The following ZBTB7C variants were observed in gnomAD, a reference collection of about 807,000 sequenced individuals.
ZBTB7C encodes zinc finger and BTB domain containing 7C.
A neutral mutation model predicts 25.7 loss-of-function variants in ZBTB7C; 8 were observed. That is an observed-to-expected ratio of 0.31 (90% CI 0.18 to 0.56). The LOEUF is 0.56. ZBTB7C is among the 20% of genes least tolerant of loss of function. The probability of loss-of-function intolerance (pLI) is 0.91; values close to 1 mark genes in which losing one functional copy is unlikely to be tolerated. For synonymous variants in ZBTB7C, 394 were observed against 369.0 expected (o/e 1.07, Z -0.78); for missense variants, 824 against 855.2 (o/e 0.96, Z 0.46).
At chr18:48,121,153 C>T (rs1339046999) in intron 3 of ZBTB7C, among the ~76,000 whole-genome samples, 4 of 152,186 alleles carry the variant, frequency 2.6e-5, no homozygotes, top group Non-Finnish European at 1.5e-5. Context: ...AGCTGTCCCT[C>T]GAAGACAGAG....
At chr18:48,157,202 C>T (rs1457597135) in intron 3 of ZBTB7C, among the ~76,000 whole-genome samples, 1 of 152,130 alleles carries the variant, frequency 6.6e-6, no homozygotes, top group Non-Finnish European at 1.5e-5. Flanking sequence ...TAAATAAAAG[C>T]ATTAACAGCA....
At chr18:48,259,162 C>T (rs542142450) in intron 2 of ZBTB7C, among the ~76,000 whole-genome samples, 19 of 152,290 alleles carry the variant, frequency 1.2e-4, no homozygotes, top group Admixed American at 3.9e-4. Flanking sequence ...GTTGCCCAGG[C>T]TGGCTTTGAA....
At chr18:48,179,131 C>T (rs1045817472) in intron 3 of ZBTB7C, among the ~76,000 whole-genome samples, 5 of 152,198 alleles carry the variant, frequency 3.3e-5, no homozygotes, top group Admixed American at 6.5e-5. Context: ...TCCATTTCTC[C>T]AGCAGGAACA....
At chr18:48,371,344 T>C (rs555709137) in intron 1 of ZBTB7C, among the ~76,000 whole-genome samples, 73 of 152,308 alleles carry the variant, frequency 4.8e-4, no homozygotes, top group African/African-American at 1.7e-3. Flanking sequence ...CCTGTGGAAC[T>C]GGAAATGTCA....
chr18:48,215,219 A>G (rs567198377), intron 2 of ZBTB7C, among the ~76,000 whole-genome samples: 1 of 152,318 alleles, frequency 6.6e-6, no homozygotes, highest in South Asian at 2.1e-4. Flanking sequence ...CCAACGGTCC[A>G]CTTGGGGTAG....
At chr18:48,063,211 G>A (rs1054068758) in intron 3 of ZBTB7C, among the ~76,000 whole-genome samples, 5 of 152,188 alleles carry the variant, frequency 3.3e-5, no homozygotes, top group Non-Finnish European at 7.3e-5. Context: ...GGTCACCCTC[G>A]TTCATCTCCG....
intron 3 of ZBTB7C, among the ~76,000 whole-genome samples, chr18:48,101,788 T>C (rs937719265): frequency 3.3e-5 from 5 of 152,202 alleles, no homozygotes; most frequent in African/African-American, 9.6e-5. Context: ...ATCTGGTCTC[T>C]CATTCATTCT....
At chr18:48,233,222 C>T (rs188089043) in intron 2 of ZBTB7C, among the ~76,000 whole-genome samples, 11 of 152,118 alleles carry the variant, frequency 7.2e-5, no homozygotes, top group South Asian at 4.2e-4. Flanking sequence ...TGCACTCTCT[C>T]GCGCGCACGC....
chr18:48,379,807 T>C (rs1212090076), intron 1 of ZBTB7C, among the ~76,000 whole-genome samples: 1 of 152,120 alleles, frequency 6.6e-6, no homozygotes, highest in Non-Finnish European at 1.5e-5. Context: ...AATTAAGAAA[T>C]GGATAAAGAT....
At chr18:48,064,747 T>G (rs1277864950) in intron 3 of ZBTB7C, among the ~76,000 whole-genome samples, 1 of 151,298 alleles carries the variant, frequency 6.6e-6, no homozygotes, top group Non-Finnish European at 1.5e-5. Flanking sequence ...TCTCAAAAAA[T>G]AAAAAAAGAA....
rs971351573 is a variant in ZBTB7C at position 48,155,555 on chromosome 18, G to A, written c.-17+30379C>T. On this transcript the variant is annotated intron_variant, in intron 3 of 4. Transcript: ENST00000590800. The stretch of plus-strand genomic sequence containing the variant: ...TTTCACCGCATTAGCCAGGATGGTC[G>A]CAATCTCCTGACCTCATGATCTGCC... Among the ~76,000 whole-genome samples, 11 of 151,200 alleles carry A rather than the reference G, an allele frequency of 7.3e-5. No homozygotes were observed. The East Asian group carries it at 9.7e-4, about 13-fold the overall frequency.
intron 1 of ZBTB7C, among the ~76,000 whole-genome samples, chr18:48,406,446 C>T (rs1294961356): frequency 1.3e-5 from 2 of 152,194 alleles, no homozygotes; most frequent in African/African-American, 2.4e-5. Flanking sequence ...ATAATACTCT[C>T]CCCGTCTCTC....
chr18:48,181,768 T>A (rs2041930320), intron 3 of ZBTB7C, among the ~76,000 whole-genome samples: 1 of 152,172 alleles, frequency 6.6e-6, no homozygotes, highest in African/African-American at 2.4e-5. Context: ...TCCAGAGTAC[T>A]TACATCCTTA....
intron 2 of ZBTB7C, among the ~76,000 whole-genome samples, chr18:48,209,413 G>A (rs1318448475): frequency 2.0e-5 from 3 of 152,170 alleles, no homozygotes; most frequent in African/African-American, 7.2e-5. Flanking sequence ...TTTTAGTTGT[G>A]CTAGGAAGAC....
chr18:48,274,262 A>G (rs2044578838), intron 2 of ZBTB7C, among the ~76,000 whole-genome samples: 1 of 152,198 alleles, frequency 6.6e-6, no homozygotes, highest in South Asian at 2.1e-4. Flanking sequence ...GCTGCTTCCC[A>G]TCTTCCAAAC....
chr18:48,383,074 CAGAACTGGAGGT>C (rs1247162845), intron 1 of ZBTB7C, among the ~76,000 whole-genome samples: 1 of 152,080 alleles, frequency 6.6e-6, no homozygotes, highest in Non-Finnish European at 1.5e-5. Context: ...CTAACCTGAG[CAGAACTGGAGGT>C]AACAGCATCT....
intron 2 of ZBTB7C, among the ~76,000 whole-genome samples, chr18:48,232,625 A>G (rs546729383): frequency 2.0e-5 from 3 of 150,278 alleles, no homozygotes; most frequent in Non-Finnish European, 4.5e-5. Flanking sequence ...TGTTATTTTA[A>G]CCCATGAAAT....
chr18:48,182,324 G>C (rs1345646818), intron 3 of ZBTB7C, among the ~76,000 whole-genome samples: 5 of 152,164 alleles, frequency 3.3e-5, no homozygotes, highest in African/African-American at 4.8e-5. Context: ...TTGCTTGCAA[G>C]AGAAAAACAT....
intron 2 of ZBTB7C, among the ~76,000 whole-genome samples, chr18:48,280,300 G>A (rs556857276): frequency 1.5e-4 from 23 of 151,668 alleles, no homozygotes; most frequent in South Asian, 6.3e-4. Flanking sequence ...GGCACTCCTC[G>A]ACCCCTCCCT....
Sources: gnomAD v4.1 joint callset for allele counts (sites outside exome capture counted in the v4.1 genomes callset) on GRCh38, gnomAD v4.1.1 for gene constraint, MANE v1.5 for transcripts, NCBI Gene and HGNC (gene_info 2026-07-23, HGNC 2026-07-21) for gene names.